The following MITF variants were observed in gnomAD, a reference collection of about 807,000 sequenced individuals.
MITF encodes microphthalmia-associated transcription factor.
Under a neutral mutation model 60.5 loss-of-function variants are expected in MITF, and 17 were observed. The ratio of observed to expected loss-of-function variants is 0.28; its 90% confidence interval spans 0.19 to 0.42. The LOEUF is 0.42. Ranked by LOEUF, MITF falls within the 10% of genes least tolerant of loss-of-function variation. MITF has a pLI of 1.00. For synonymous variants in MITF, 260 were observed against 248.5 expected (o/e 1.05, Z -0.43); for missense variants, 622 against 683.5 (o/e 0.91, Z 1.00).
intron 1 of MITF, among the ~76,000 whole-genome samples, chr3:69,800,741 A>T (rs1213503472): frequency 6.6e-6 from 1 of 151,588 alleles, no homozygotes; most frequent in African/African-American, 2.4e-5. Flanking sequence ...TTTTCATTTA[A>T]AAAAAAATTG....
At chr3:69,886,378 A>G (rs995984175) in intron 2 of MITF, among the ~76,000 whole-genome samples, 5 of 152,044 alleles carry the variant, frequency 3.3e-5, no homozygotes, top group African/African-American at 7.2e-5. Flanking sequence ...TAGCTCATTT[A>G]TTATTTTAGT....
chr3:69,932,215 G>T (rs1268414755), intron 2 of MITF, among the ~76,000 whole-genome samples: 1 of 152,162 alleles, frequency 6.6e-6, no homozygotes, highest in Non-Finnish European at 1.5e-5. Flanking sequence ...GGCCTTGGGG[G>T]CCCTGCAGAC....
chr3:69,902,610 A>G lies in MITF; in HGVS notation c.354+23227A>G, dbSNP rs546652207. On this transcript the variant is annotated intron_variant, in intron 2 of 9. Coordinates refer to ENST00000352241, the MANE Select transcript of MITF (RefSeq NM_001354604.2). Reference sequence around the variant, plus strand: ...TTCTGGTATAGAATAGAACCCTTTGAAAACCAGCCTGAGGCTCTTTTTCCT... The same window carrying G: ...TTCTGGTATAGAATAGAACCCTTTGGAAACCAGCCTGAGGCTCTTTTTCCT... Among the ~76,000 whole-genome samples, 20 of 152,348 alleles carry G rather than the reference A, an allele frequency of 1.3e-4. No individual in the cohort carries two copies. The South Asian group carries it at 3.9e-3, about 30-fold the overall frequency.
chr3:69,906,059 A>G (rs2065091374), intron 2 of MITF, among the ~76,000 whole-genome samples: 1 of 152,170 alleles, frequency 6.6e-6, no homozygotes, highest in Non-Finnish European at 1.5e-5. Flanking sequence ...ACCCAAGGTC[A>G]TAAGGATTTT....
chr3:69,951,687 C>T (rs1462737071), intron 6 of MITF, 125 bp from the exon 7 acceptor site: 18 of 705,420 alleles, frequency 2.6e-5, no homozygotes, highest in Admixed American at 4.7e-5. Flanking sequence ...TTTAAAAAAA[C>T]GTATTTTTAC....
At chr3:69,820,001 G>T (rs973154411) in intron 1 of MITF, among the ~76,000 whole-genome samples, 4 of 152,046 alleles carry the variant, frequency 2.6e-5, no homozygotes, top group Non-Finnish European at 4.4e-5. Context: ...AAAAGCTAGA[G>T]TTAGAGCATT....
intron 1 of MITF, among the ~76,000 whole-genome samples, chr3:69,813,348 T>C (rs990719996): frequency 1.3e-5 from 2 of 152,184 alleles, no homozygotes; most frequent in African/African-American, 4.8e-5. Flanking sequence ...GGAATAAGTC[T>C]CCCTCTGGGA....
intron 2 of MITF, among the ~76,000 whole-genome samples, chr3:69,914,830 T>C (rs2065300088): frequency 6.6e-6 from 1 of 152,182 alleles, no homozygotes; most frequent in South Asian, 2.1e-4. Context: ...CTTTTTTCCT[T>C]TAGCAGTTAA....
intron 7 of MITF, among the ~76,000 whole-genome samples, chr3:69,954,539 T>G (rs945976218): frequency 6.6e-6 from 1 of 152,096 alleles, no homozygotes; most frequent in Non-Finnish European, 1.5e-5. Context: ...TCCAGGCAGG[T>G]GGAACAGCCT....
At chr3:69,824,349 G>T (rs567285168) in intron 1 of MITF, among the ~76,000 whole-genome samples, 1 of 152,206 alleles carries the variant, frequency 6.6e-6, no homozygotes, top group South Asian at 2.1e-4. Flanking sequence ...AATATCAATA[G>T]CATGCATATG....
At chr3:69,911,585 T>A (rs2065226825) in intron 2 of MITF, among the ~76,000 whole-genome samples, 1 of 152,200 alleles carries the variant, frequency 6.6e-6, no homozygotes, top group African/African-American at 2.4e-5. Flanking sequence ...GTAGGATTAG[T>A]ACCTAGAATA....
At chr3:69,757,825 T>C (rs543510203) in intron 1 of MITF, among the ~76,000 whole-genome samples, 1 of 152,092 alleles carries the variant, frequency 6.6e-6, no homozygotes, top group East Asian at 1.9e-4. Context: ...GGATTCTTAA[T>C]AAATATTTGT....
chr3:69,832,678 A>C (rs751028680), intron 1 of MITF, among the ~76,000 whole-genome samples: 1 of 128,812 alleles, frequency 7.8e-6, no homozygotes, highest in Non-Finnish European at 1.8e-5. Context: ...TTGTCTAGTT[A>C]CAGTGTATGT....
At chr3:69,850,980 T>C (rs12633759) in intron 1 of MITF, among the ~76,000 whole-genome samples, 23,360 of 151,954 alleles carry the variant, frequency 0.15, 1,873 homozygotes, top group South Asian at 0.18. Context: ...GTACAGTAGG[T>C]CAGATAAAAG....
At chr3:69,784,619 C>T (rs1457250050) in intron 1 of MITF, among the ~76,000 whole-genome samples, 1 of 152,108 alleles carries the variant, frequency 6.6e-6, no homozygotes, top group Non-Finnish European at 1.5e-5. Context: ...TCCCCCTCCC[C>T]CATATTAGAG....
chr3:69,793,576 C>G (rs976066223), intron 1 of MITF, among the ~76,000 whole-genome samples: 7 of 103,356 alleles, frequency 6.8e-5, no homozygotes, highest in East Asian at 5.7e-4. Flanking sequence ...AAAAATGTCT[C>G]TAGTCACTGC....
intron 1 of MITF, among the ~76,000 whole-genome samples, chr3:69,876,877 C>T (rs2064366149): frequency 6.6e-6 from 1 of 152,080 alleles, no homozygotes; most frequent in South Asian, 2.1e-4. Context: ...AAATTAGTGT[C>T]TAGAGGCATA....
At chr3:69,848,285 G>C (rs2063765796) in intron 1 of MITF, among the ~76,000 whole-genome samples, 1 of 152,188 alleles carries the variant, frequency 6.6e-6, no homozygotes, top group African/African-American at 2.4e-5. Flanking sequence ...CAGCGTTCTG[G>C]GGAAGATGAA....
chr3:69,757,231 C>CAT (rs963946538), intron 1 of MITF, among the ~76,000 whole-genome samples: 27 of 151,768 alleles, frequency 1.8e-4, no homozygotes, highest in South Asian at 2.1e-4. Context: ...TATCAGAATC[C>CAT]ATATATATAT....
Sources: allele counts gnomAD v4.1 joint callset (sites outside exome capture counted in the v4.1 genomes callset), GRCh38; gene constraint gnomAD v4.1.1; transcripts MANE v1.5; gene names NCBI Gene and HGNC (gene_info 2026-07-23, HGNC 2026-07-21).